Variants in MZT2B observed in about 807,000 individuals in gnomAD.
The protein encoded by MZT2B is mitotic spindle organizing protein 2B.
Under a neutral mutation model 12.1 loss-of-function variants are expected in MZT2B, and 11 were observed. That is an observed-to-expected ratio of 0.91 (90% confidence interval 0.57 to 1.50). The LOEUF is 1.50. Among genes scored for constraint, MZT2B ranks in the 40% most tolerant of loss-of-function variants. The pLI, the probability that MZT2B is intolerant of heterozygous loss-of-function variation, is 0.00. For missense variants in MZT2B, 209 were observed against 227.7 expected (o/e 0.92, Z 0.53); for synonymous variants, 85 against 109.5 (o/e 0.78, Z 1.40).
At chr2:130,198,289 C>T in the MZT2B span, 3 of 1,342,500 alleles carry the variant, frequency 2.2e-6, no homozygotes, top group South Asian at 2.7e-5. Flanking sequence ...GCAACAACGT[C>T]CCTCTGTCCA....
At chr2:130,195,612 A>G (rs1033634995), downstream of MZT2B, among the ~76,000 whole-genome samples, 10 of 152,234 alleles carry the variant, frequency 6.6e-5, no homozygotes, top group African/African-American at 2.4e-4. Context: ...GGGCAGTCCC[A>G]TCAGGGCACC....
the MZT2B span, among the ~76,000 whole-genome samples, chr2:130,200,505 A>G: frequency 6.6e-6 from 1 of 152,258 alleles, no homozygotes; most frequent in African/African-American, 2.4e-5. Flanking sequence ...AAATGCCTTT[A>G]AACAGTCACC....
At chr2:130,197,065 G>T in the MZT2B span, among the ~76,000 whole-genome samples, 97 of 152,278 alleles carry the variant, frequency 6.4e-4, no homozygotes, top group South Asian at 1.7e-3. Flanking sequence ...TTGGCAGGCT[G>T]CCCTCTTCAT....
chr2:130,194,065 G>A (rs1052303), downstream of MZT2B: 113 of 1,609,674 alleles, frequency 7.0e-5, no homozygotes, highest in African/African-American at 1.5e-4. Flanking sequence ...GGTACGGCAC[G>A]AGGTTGGTCT....
the MZT2B span, chr2:130,196,048 C>G: frequency 7.4e-7 from 1 of 1,356,694 alleles, no homozygotes; most frequent in Admixed American, 2.6e-5. Context: ...GCCTGTCTAT[C>G]CCATCCTTTC....
downstream of MZT2B, chr2:130,193,730 G>A: frequency 6.4e-7 from 1 of 1,559,756 alleles, no homozygotes; most frequent in Middle Eastern, 1.7e-4. Context: ...TTCAAGGCCA[G>A]TGTTATTTTG....
chr2:130,203,773 A>AT, the MZT2B span, among the ~76,000 whole-genome samples: 4 of 151,750 alleles, frequency 2.6e-5, no homozygotes, highest in Non-Finnish European at 4.4e-5. Flanking sequence ...TTGCCTATGT[A>AT]TTTTTTTCTG....
chr2:130,181,845 T>G, upstream of MZT2B: 1 of 1,539,956 alleles, frequency 6.5e-7, no homozygotes, highest in South Asian at 1.2e-5. Context: ...GCAGTATTGT[T>G]GATTAGTGCC....
At chr2:130,196,265 G>A in the MZT2B span, 1 of 1,614,046 alleles carries the variant, frequency 6.2e-7, no homozygotes, top group Non-Finnish European at 8.5e-7. Flanking sequence ...TTTATCACTT[G>A]GCATTTGACC....
chr2:130,202,069 A>C, the MZT2B span, among the ~76,000 whole-genome samples: 1 of 151,798 alleles, frequency 6.6e-6, no homozygotes, highest in Non-Finnish European at 1.5e-5. Flanking sequence ...ATTCTACTGT[A>C]AATGACAAAA....
At chr2:130,192,606 A>G (rs1427391113), downstream of MZT2B, among the ~76,000 whole-genome samples, 1 of 152,202 alleles carries the variant, frequency 6.6e-6, no homozygotes, top group East Asian at 1.9e-4. Context: ...GTCAAGAGTC[A>G]TATGAATGCT....
At chr2:130,189,480 GGGGGACCCAACACTGAGTCAGGCA>G (rs1421570961) in intron 2 of MZT2B, among the ~76,000 whole-genome samples, 2 of 152,134 alleles carry the variant, frequency 1.3e-5, no homozygotes, top group African/African-American at 4.8e-5. Flanking sequence ...GGGATGAAAT[GGGGGACCCAACACTGAGTCAGGCA>G]GGGGACACAT....
At chr2:130,182,249 C>T (rs1379187933), upstream of MZT2B, 22 of 1,241,588 alleles carry the variant, frequency 1.8e-5, no homozygotes, top group Non-Finnish European at 2.1e-5. Flanking sequence ...GGGGGCGCGG[C>T]GGGGCGGAGC....
chr2:130,189,994 G>C (rs904285003), intron 2 of MZT2B, among the ~76,000 whole-genome samples: 1 of 152,164 alleles, frequency 6.6e-6, no homozygotes, highest in African/African-American at 2.4e-5. Flanking sequence ...CCAGGACTTG[G>C]TGACTGCAGT....
rs563896033 is a variant in MZT2B at position 130,183,415 on chromosome 2, T to A, written c.319+640T>A. 1.8e-3 allele frequency: 705 copies of A among 383,094 alleles called. 1 individual carries two copies. The highest frequency in any genetic ancestry group is 2.6e-3 in the Middle Eastern group (5 of 1,948). The allele number at this position is 383,094 out of a possible 1,614,324, so 23.7% of individuals were successfully genotyped here. A position where few individuals can be genotyped will look rare whatever the true frequency, so the allele number is the denominator to read the frequency against. On this transcript the variant is annotated intron_variant, in intron 2 of 2. Coordinates refer to ENST00000281871, the MANE Select transcript of MZT2B (RefSeq NM_025029.5). ...CCAGGGTGCAGAGGCCTGCGGGGTC[T>A]GAAGGGCCTCCTCCCTCTCCAGTGT...
chr2:130,190,892 A>G (rs1358965234), downstream of MZT2B, among the ~76,000 whole-genome samples: 2 of 152,006 alleles, frequency 1.3e-5, no homozygotes, highest in Non-Finnish European at 2.9e-5. Context: ...AGGCATCTGG[A>G]TTGCCAGGTC....
chr2:130,183,800 C>T (rs1380961906), intron 2 of MZT2B: 2 of 1,550,754 alleles, frequency 1.3e-6, no homozygotes, highest in Admixed American at 2.0e-5. Flanking sequence ...CCTCCTTTCT[C>T]TCTGCCAGGA....
At chr2:130,187,783 C>T (rs541710349) in intron 2 of MZT2B, among the ~76,000 whole-genome samples, 10 of 152,304 alleles carry the variant, frequency 6.6e-5, no homozygotes, top group East Asian at 5.8e-4. Context: ...ACCCTGAGAG[C>T]GCACAATTCC....
At chr2:130,184,556 T>C in intron 2 of MZT2B, 1 of 985,340 alleles carries the variant, frequency 1.0e-6, no homozygotes, top group Non-Finnish European at 1.2e-6. Flanking sequence ...GGTCTTTGGT[T>C]GCACCTCCTG....
Sources: allele counts gnomAD v4.1 joint callset (sites outside exome capture counted in the v4.1 genomes callset), GRCh38; gene constraint gnomAD v4.1.1; transcripts MANE v1.5; gene names NCBI Gene and HGNC (gene_info 2026-07-23, HGNC 2026-07-21).